Variants in MACROD2 observed in about 807,000 individuals in gnomAD.
MACROD2 encodes the protein ADP-ribose glycohydrolase MACROD2.
MACROD2 carries 36 observed loss-of-function variants against 70.4 expected under a neutral mutation model. The ratio of observed to expected loss-of-function variants is 0.51; its 90% CI spans 0.39 to 0.68. MACROD2 has a LOEUF of 0.68. Ranked by LOEUF, MACROD2 falls within the 30% of genes least tolerant of loss-of-function variation. The pLI, the probability that MACROD2 is intolerant of heterozygous loss-of-function variation, is 0.00. For missense variants in MACROD2, 496 were observed against 538.4 expected, an observed-to-expected ratio of 0.92 and a Z score of 0.78; for synonymous variants, 172 against 178.8, an observed-to-expected ratio of 0.96 and a Z score of 0.30.
chr20:14,757,666 A>G (rs2071958960), intron 5 of MACROD2: 2 of 1,331,698 alleles, frequency 1.5e-6, no homozygotes, highest in Admixed American at 1.7e-5. Flanking sequence ...TGGAGCTGTC[A>G]GACAAGAATG....
intron 3 of MACROD2, among the ~76,000 whole-genome samples, chr20:14,429,619 G>A (rs1158086445): frequency 6.6e-6 from 1 of 152,160 alleles, no homozygotes; most frequent in African/African-American, 2.4e-5. Flanking sequence ...TATAGCTGTG[G>A]ATGGTTCTTG....
At chr20:14,870,164 C>G (rs191788914) in intron 5 of MACROD2, among the ~76,000 whole-genome samples, 8 of 152,206 alleles carry the variant, frequency 5.3e-5, no homozygotes, top group African/African-American at 1.7e-4. Flanking sequence ...CATGTATTCT[C>G]ATCATTTAGC....
intron 8 of MACROD2, among the ~76,000 whole-genome samples, chr20:15,594,925 T>C (rs1394322975): frequency 6.6e-6 from 1 of 152,220 alleles, no homozygotes; most frequent in African/African-American, 2.4e-5. Flanking sequence ...AAAAAGTCCT[T>C]CTTTTTCCTA....
intron 5 of MACROD2, among the ~76,000 whole-genome samples, chr20:15,102,694 G>A (rs1686882420): frequency 6.6e-6 from 1 of 151,338 alleles, no homozygotes; most frequent in Non-Finnish European, 1.5e-5. Context: ...GAGAATCATA[G>A]TCAAATATAC....
chr20:15,384,530 T>C (rs958696893), intron 6 of MACROD2, among the ~76,000 whole-genome samples: 3 of 152,194 alleles, frequency 2.0e-5, no homozygotes, highest in African/African-American at 7.2e-5. Flanking sequence ...TGTGAAGGCT[T>C]CTTGAGGACA....
rs569198435 is a variant in MACROD2 at position 15,597,865 on chromosome 20, G to C, written c.645+98018G>C. On this transcript the variant is annotated intron_variant, in intron 8 of 17. Coordinates refer to ENST00000684519, the MANE Select transcript of MACROD2 (RefSeq NM_001351661.2). ...AGGCTGAGGCAGGTGGATCACCTGA[G>C]GTCAGGAGTTTGAGACCAGCCTGGC... 1.2e-3 allele frequency among the ~76,000 whole-genome samples: 183 copies of C among 152,346 alleles called. 1 individual carries two copies. Among genetic ancestry groups the C allele is most frequent in the Admixed American group, 1.8e-3 (27 of 15,306 alleles).
chr20:15,281,560 A>G lies in MACROD2; in HGVS notation c.540+51499A>G, dbSNP rs554143953. 1.0e-3 allele frequency among the ~76,000 whole-genome samples: 156 copies of G among 152,280 alleles called. 1 individual carries two copies. The highest frequency in any genetic ancestry group is 2.9e-3 in the Admixed American group (44 of 15,298). ...CCAATAGAGCCCTCATTAAACCTCAAAGTTCCAAAATTATCTCCTTTAACT... is the reference window on the plus strand; with the variant it reads ...CCAATAGAGCCCTCATTAAACCTCAGAGTTCCAAAATTATCTCCTTTAACT... On this transcript the variant is annotated intron_variant, in intron 6 of 17. Transcript: ENST00000684519.
intron 2 of MACROD2, among the ~76,000 whole-genome samples, chr20:14,012,286 T>G (rs764337014): frequency 6.6e-6 from 1 of 152,228 alleles, no homozygotes; most frequent in Non-Finnish European, 1.5e-5. Flanking sequence ...CAGCTTTAGA[T>G]CCTCATCTTC....
At chr20:15,172,883 A>G (rs969114017) in intron 5 of MACROD2, among the ~76,000 whole-genome samples, 3 of 152,248 alleles carry the variant, frequency 2.0e-5, no homozygotes, top group Non-Finnish European at 2.9e-5. Flanking sequence ...CTGAAAATTT[A>G]CTATTTTACT....
At chr20:15,924,596 C>T (rs559531946) in intron 10 of MACROD2, among the ~76,000 whole-genome samples, 1 of 152,280 alleles carries the variant, frequency 6.6e-6, no homozygotes, top group East Asian at 1.9e-4. Context: ...CCTCTCCCTT[C>T]TGTCAACTCC....
intron 8 of MACROD2, among the ~76,000 whole-genome samples, chr20:15,546,066 C>A (rs1350033185): frequency 6.6e-6 from 1 of 152,184 alleles, no homozygotes; most frequent in African/African-American, 2.4e-5. Context: ...GCCCGACCAA[C>A]ATGGTGAAAC....
At chr20:14,823,666 T>A (rs1403175760) in intron 5 of MACROD2, among the ~76,000 whole-genome samples, 1 of 152,142 alleles carries the variant, frequency 6.6e-6, no homozygotes, top group African/African-American at 2.4e-5. Flanking sequence ...TAGGTCTTGT[T>A]GGTCAGAGCT....
chr20:15,616,490 C>G (rs1298205691), intron 8 of MACROD2, among the ~76,000 whole-genome samples: 5 of 152,118 alleles, frequency 3.3e-5, no homozygotes, highest in Non-Finnish European at 5.9e-5. Context: ...GAAACCTACT[C>G]TTGGACCTTC....
At chr20:14,820,027 TG>T (rs1293848581) in intron 5 of MACROD2, among the ~76,000 whole-genome samples, 1 of 152,078 alleles carries the variant, frequency 6.6e-6, no homozygotes, top group Non-Finnish European at 1.5e-5. Flanking sequence ...GTAATTCTGA[TG>T]ATCATCCCGG....
At position 15,539,157 on chromosome 20, in the gene MACROD2, A is replaced by G. The variant is rs191208299; in HGVS notation, c.645+39310A>G. ...AAGAATGTATGTAACCAACAAATAC[A>G]ATGATAAATGTCTTTTGCAGCAAGC... On this transcript the variant is annotated intron_variant, in intron 8 of 17. Transcript: ENST00000684519. Among the ~76,000 whole-genome samples, 613 of 152,316 alleles carry G rather than the reference A, an allele frequency of 4.0e-3. 4 individuals carry two copies. Among genetic ancestry groups the G allele is most frequent in the Non-Finnish European group, 7.1e-3 (485 of 68,030 alleles).
intron 2 of MACROD2, among the ~76,000 whole-genome samples, chr20:14,005,364 T>C (rs2052800100): frequency 6.6e-6 from 1 of 152,364 alleles, no homozygotes; most frequent in South Asian, 2.1e-4. Context: ...TTATTAACTG[T>C]TGTTAGCTAA....
At chr20:14,922,138 A>G (rs1189830592) in intron 5 of MACROD2, among the ~76,000 whole-genome samples, 1 of 151,938 alleles carries the variant, frequency 6.6e-6, no homozygotes, top group Non-Finnish European at 1.5e-5. Flanking sequence ...AATCTTTTCT[A>G]TTTCTGGTTT....
chr20:14,132,790 C>T (rs2054734796), intron 3 of MACROD2, among the ~76,000 whole-genome samples: 1 of 152,054 alleles, frequency 6.6e-6, no homozygotes, highest in African/African-American at 2.4e-5. Context: ...AAAAACATGC[C>T]ACTGTGCCTG....
intron 3 of MACROD2, among the ~76,000 whole-genome samples, chr20:14,315,346 G>A: frequency 6.6e-6 from 1 of 152,186 alleles, no homozygotes; most frequent in East Asian, 1.9e-4. Context: ...TTTACAAAGA[G>A]CTTTCACCAA....
Sources: gnomAD v4.1 joint callset for allele counts (sites outside exome capture counted in the v4.1 genomes callset) on GRCh38, gnomAD v4.1.1 for gene constraint, MANE v1.5 for transcripts, NCBI Gene and HGNC (gene_info 2026-07-23, HGNC 2026-07-21) for gene names.